SPTA1: variants seen among roughly 807,000 people sequenced by gnomAD.
SPTA1 encodes spectrin alpha, erythrocytic 1.
A neutral mutation model predicts 324.7 loss-of-function variants in SPTA1; 177 were observed. That is an observed-to-expected ratio of 0.55 (90% CI 0.48 to 0.62). The LOEUF is 0.62. SPTA1 is among the 20% of genes least tolerant of loss of function. The pLI is 0.00. For missense variants in SPTA1, 3,162 were observed against 2,883.6 expected (o/e 1.10, Z -2.21); for synonymous variants, 1,195 against 1,041.3 (o/e 1.15, Z -2.84).
chr1:158,655,152 T>C (rs1228894073), intron 20 of SPTA1, among the ~76,000 whole-genome samples: 1 of 152,226 alleles, frequency 6.6e-6, no homozygotes, highest in Admixed American at 6.5e-5. Context: ...CACCTTTCCC[T>C]GTACCTCCAG....
chr1:158,654,099 T>C (rs1327317298), intron 21 of SPTA1, among the ~76,000 whole-genome samples: 1 of 152,176 alleles, frequency 6.6e-6, no homozygotes, highest in East Asian at 1.9e-4. Context: ...GGTATCAGAG[T>C]ATAAAAAATT....
intron 12 of SPTA1, 135 bp from the exon 13 acceptor site, chr1:158,669,921 C>A: frequency 1.2e-6 from 1 of 811,894 alleles, no homozygotes; most frequent in East Asian, 2.6e-5. Context: ...GATGTAAGTC[C>A]TTATTCAGGT....
intron 16 of SPTA1, among the ~76,000 whole-genome samples, chr1:158,665,037 C>G (rs1425380444): frequency 1.3e-5 from 2 of 152,094 alleles, no homozygotes; most frequent in Non-Finnish European, 2.9e-5. Context: ...CTAAAATTTC[C>G]TTTGCATGTA....
At chr1:158,645,637 A>G (rs897156659) in intron 27 of SPTA1, 43 bp from the exon 28 acceptor site, 2 of 1,602,370 alleles carry the variant, frequency 1.2e-6, no homozygotes, top group African/African-American at 2.7e-5. Flanking sequence ...AAACCTTGCA[A>G]CTTGCTACAG....
At chr1:158,629,070 C>T (rs116313477) in intron 39 of SPTA1, among the ~76,000 whole-genome samples, 2,087 of 151,938 alleles carry the variant, frequency 0.014, 20 homozygotes, top group Non-Finnish European at 0.019. Context: ...TAAACACCTT[C>T]GCAAAGTCAG....
chr1:158,682,678 A>C (rs374472029), intron 3 of SPTA1, among the ~76,000 whole-genome samples: 6 of 152,326 alleles, frequency 3.9e-5, no homozygotes, highest in African/African-American at 1.4e-4. Context: ...ATAAACAGTA[A>C]AAAGTTCACT....
intron 13 of SPTA1, 40 bp downstream of exon 13, chr1:158,669,669 A>C (rs1248514020): frequency 1.2e-6 from 2 of 1,613,800 alleles, no homozygotes; most frequent in Admixed American, 1.7e-5. Flanking sequence ...TCTTGATTCT[A>C]GTGTGTAGGC....
In SPTA1 at chr1:158,671,429, C is replaced by G. The variant is rs778846612; in HGVS notation, c.1513G>C (p.Gly505Arg). The stretch of plus-strand genomic sequence containing the variant: ...GCTTCTGCACTGCCCAGTGAGTTTC[C>G]CAGATCCTCGTTTTCCAGGAAGGCC... ...QEAFLENEDL[G>R]NSLGSAEALL... The change falls in exon 12 of 52, where the codon GGA becomes CGA. Residue 505 changes from glycine to arginine, a missense_variant. By Grantham distance (125) the Gly-to-Arg change is moderately radical (BLOSUM62 -2). Transcript: ENST00000643759. The G allele has an allele frequency of 7.8e-5, 125 of 1,612,888 alleles. 1 individual carries two copies. Among genetic ancestry groups the G allele is most frequent in the Non-Finnish European group, 2.4e-5 (28 of 1,179,886 alleles).
chr1:158,669,495 C>G lies in SPTA1; in HGVS notation c.1746G>C (p.Leu582Phe). Reference sequence around the variant, plus strand: ...AGTCCTCATACAGTTTTTGCAGAAGCAATGACTCCTTCAGCAATCTACGTC... The same window carrying G: ...AGTCCTCATACAGTTTTTGCAGAAGGAATGACTCCTTCAGCAATCTACGTC... ...ATRRRLLKES[L>F]LLQKLYEDSD... The change falls in exon 14 of 52, where the codon TTG becomes TTC. Residue 582 changes from leucine to phenylalanine, a missense_variant. Coordinates refer to ENST00000643759, the MANE Select transcript of SPTA1 (RefSeq NM_003126.4). The G allele has an allele frequency of 6.2e-7, 1 of 1,614,176 alleles. No homozygotes were observed. The highest frequency in any genetic ancestry group is 1.1e-5 in the South Asian group (1 of 91,080).
rs762490339 is a variant in SPTA1, at chr1:158,662,844, T to A, written c.2322A>T (p.Arg774=). The change falls in exon 17 of 52, where the codon CGA becomes CGT. Residue 774 remains arginine, a synonymous_variant. Transcript: ENST00000643759. ...IRARQESLVC[R]FEALKEPLAT... ...CCAGTGGCTCTTTCAGAGCTTCAAA[T>A]CGGCATACCAAGGACTCTTGCCTTG... 2.5e-6 allele frequency: 4 copies of A among 1,614,108 alleles called. No individual in the cohort carries two copies. In the East Asian group the frequency reaches 8.9e-5, roughly 36 times the overall value.
rs118151225 is a variant in SPTA1 at position 158,624,576 on chromosome 1, C to T, written c.5911-1384G>A. Among the ~76,000 whole-genome samples, 303 of 152,286 alleles carry T rather than the reference C, an allele frequency of 2.0e-3. 6 individuals carry two copies. The East Asian group carries it at 0.047, about 24-fold the overall frequency. On this transcript the variant is annotated intron_variant, in intron 42 of 51. Coordinates refer to ENST00000643759, the MANE Select transcript of SPTA1 (RefSeq NM_003126.4). ...TATATTTACCCAAAGCCTGTACTCT[C>T]ATTGTATTTAGGAAGTAACTAACTT...
At chr1:158,611,559 G>A (rs1446999326) in intron 51 of SPTA1, 170 bp from the exon 52 acceptor site, 10 of 649,302 alleles carry the variant, frequency 1.5e-5, no homozygotes, top group Non-Finnish European at 2.5e-5. Context: ...TTTCTAATGA[G>A]TAACTTAACT....
intron 43 of SPTA1, among the ~76,000 whole-genome samples, chr1:158,621,508 C>A (rs1012180346): frequency 2.0e-5 from 3 of 152,070 alleles, no homozygotes; most frequent in Admixed American, 2.0e-4. Context: ...ATATCTTTTT[C>A]ATAATGTTAT....
chr1:158,649,369 C>T (rs950897273), intron 25 of SPTA1, among the ~76,000 whole-genome samples: 6 of 152,226 alleles, frequency 3.9e-5, no homozygotes, highest in Non-Finnish European at 7.3e-5. Context: ...TAGCCTCAGC[C>T]TCCTGGCTCA....
chr1:158,625,530 G>A (rs758007371), intron 42 of SPTA1, among the ~76,000 whole-genome samples: 10 of 151,476 alleles, frequency 6.6e-5, no homozygotes, highest in Non-Finnish European at 1.0e-4. Flanking sequence ...GAAAAATATA[G>A]AATATATTTT....
chr1:158,617,594 T>G lies in SPTA1; in HGVS notation c.6549-6A>C. 1 of 1,611,594 alleles carries G rather than the reference T, an allele frequency of 6.2e-7. No homozygotes were observed. Among genetic ancestry groups the G allele is most frequent in the Non-Finnish European group, 8.5e-7 (1 of 1,177,748 alleles). ...CTGTTTCTTTGAGCAATGATCTAGT[T>G]AAGAACCGAAGGAAATCATTATGCA... On this transcript the variant is annotated splice_region_variant and splice_polypyrimidine_tract_variant and intron_variant, in intron 46 of 51. Coordinates refer to ENST00000643759, the MANE Select transcript of SPTA1 (RefSeq NM_003126.4).
At chr1:158,667,757 C>T in intron 15 of SPTA1, 101 bp downstream of exon 15, 2 of 1,318,448 alleles carry the variant, frequency 1.5e-6, no homozygotes, top group African/African-American at 1.5e-5. Context: ...AGTAGTATAC[C>T]TTCTCATAGA....
In SPTA1 at chr1:158,674,623, T is replaced by C; in HGVS notation, c.1165A>G (p.Lys389Glu). Residue 389 changes from lysine (K) to glutamate (E), a missense_variant, in exon 9 of 52, where the codon AAG (lysine) becomes GAG (glutamate). Coordinates refer to ENST00000643759, the MANE Select transcript of SPTA1 (RefSeq NM_003126.4). ...TCATCAGCATTGATCGCAGCAGTCT[T>C]CTCGTTCATCCAGCCTGAGAGTTCA... Reference protein sequence around the residue: ...FDELSGWMNEKTAAINADELP... With the variant: ...FDELSGWMNEETAAINADELP... The C allele has an allele frequency of 1.2e-6, 2 of 1,614,096 alleles. No individual in the cohort carries two copies. The highest frequency in any genetic ancestry group is 1.7e-6 in the Non-Finnish European group (2 of 1,180,012).
At chr1:158,613,485 A>T (rs1231455302) in intron 50 of SPTA1, among the ~76,000 whole-genome samples, 1 of 152,152 alleles carries the variant, frequency 6.6e-6, no homozygotes, top group East Asian at 1.9e-4. Flanking sequence ...TCATAGATTG[A>T]ACATAAATCA....
Sources: gnomAD v4.1 joint callset for allele counts (sites outside exome capture counted in the v4.1 genomes callset) on GRCh38, gnomAD v4.1.1 for gene constraint, MANE v1.5 for transcripts, NCBI Gene and HGNC (gene_info 2026-07-23, HGNC 2026-07-21) for gene names.